Variants in ZDHHC11 observed in about 807,000 individuals in gnomAD.
ZDHHC11 encodes zDHHC palmitoyltransferase 11.
Under a neutral mutation model 51.3 loss-of-function variants are expected in ZDHHC11, and 44 were observed. The observed-to-expected ratio is 0.86, with a 90% confidence interval of 0.67 to 1.10. ZDHHC11 has a LOEUF of 1.10. Ranked by LOEUF, ZDHHC11 falls within the 50% of genes least tolerant of loss-of-function variation. ZDHHC11 has a pLI of 0.00. For synonymous variants in ZDHHC11, 163 were observed against 222.0 expected (o/e 0.73, Z 2.36); for missense variants, 400 against 537.7 (o/e 0.74, Z 2.53).
intron 11 of ZDHHC11, among the ~76,000 whole-genome samples, chr5:807,052 CA>C (rs1249698286): frequency 6.6e-6 from 1 of 150,772 alleles, no homozygotes; most frequent in Non-Finnish European, 1.5e-5. Flanking sequence ...AGCTGGGTAG[CA>C]AAAAACTGGA....
chr5:799,228 T>C (rs2150273357), intron 12 of ZDHHC11, among the ~76,000 whole-genome samples: 1 of 151,450 alleles, frequency 6.6e-6, no homozygotes, highest in East Asian at 1.9e-4. Context: ...CCATGAGACC[T>C]TGTTGTCGAA....
chr5:847,298 A>C (rs1425120680), intron 3 of ZDHHC11, among the ~76,000 whole-genome samples: 6 of 151,734 alleles, frequency 4.0e-5, no homozygotes, highest in African/African-American at 1.5e-4. Flanking sequence ...GACTTACTCT[A>C]TGCGGATGAG....
At chr5:849,217 G>T (rs529056900) in intron 1 of ZDHHC11, among the ~76,000 whole-genome samples, 2 of 152,080 alleles carry the variant, frequency 1.3e-5, no homozygotes, top group Non-Finnish European at 1.5e-5. Flanking sequence ...GGCTGCCCCC[G>T]TGCCCCTTTT....
rs1442327920 is a variant in ZDHHC11, at chr5:823,154, G to A, written c.1024-1259C>T. On this transcript the variant is annotated intron_variant, in intron 8 of 12. Transcript: ENST00000283441. ...GCTTAAAGTCAAATGTATCCGTTTT[G>A]TGAAATAGTGTTTTTGGTATCTATC... Among the ~76,000 whole-genome samples, 2 of 151,260 alleles carry A rather than the reference G, an allele frequency of 1.3e-5. 1 individual carries two copies. The highest frequency in any genetic ancestry group is 3.0e-5 in the Non-Finnish European group (2 of 67,698).
In ZDHHC11 at chr5:814,805, G is replaced by A; in HGVS notation, c.1147-10C>T. The A allele has an allele frequency of 6.5e-7, 1 of 1,539,834 alleles. No homozygotes were observed. Among genetic ancestry groups the A allele is most frequent in the Non-Finnish European group, 8.7e-7 (1 of 1,144,130 alleles). ...GGGCATCATCTGCTTCCTGTGGGGG[G>A]AAGGGATGCAAAATTCATAGGATGA... On this transcript the variant is annotated splice_polypyrimidine_tract_variant and intron_variant, in intron 10 of 12. Coordinates refer to ENST00000283441, the MANE Select transcript of ZDHHC11 (RefSeq NM_024786.3).
rs1190871003 is a variant in ZDHHC11 at position 814,619 on chromosome 5, A to C, written c.1181+142T>G. 9 of 944,560 alleles carry C rather than the reference A, an allele frequency of 9.5e-6. No homozygotes were observed. The African/African-American group carries it at 1.3e-4, about 14-fold the overall frequency. The allele number at this position is 944,560 out of a possible 1,614,324, so 58.5% of individuals were successfully genotyped here. A position where few individuals can be genotyped will look rare whatever the true frequency, so the allele number is the denominator to read the frequency against. ...CAATAAGCCACATGAATGGCTATAA[A>C]TGTTCAGAGAAACATTTCTACTTTC... On this transcript the variant is annotated intron_variant, in intron 11 of 12. Coordinates refer to ENST00000283441, the MANE Select transcript of ZDHHC11 (RefSeq NM_024786.3).
chr5:841,960 C>T, intron 4 of ZDHHC11: 1 of 989,648 alleles, frequency 1.0e-6, no homozygotes, highest in Non-Finnish European at 1.2e-6. Flanking sequence ...AGGACCGCAG[C>T]TCCATGTGCC....
At chr5:853,281 G>C (rs1747577223), upstream of ZDHHC11, among the ~76,000 whole-genome samples, 1 of 148,468 alleles carries the variant, frequency 6.7e-6, no homozygotes, top group African/African-American at 2.5e-5. Flanking sequence ...ACAGAGGACA[G>C]TGAGCAGCAG....
chr5:803,648 A>C (rs1337606520), intron 11 of ZDHHC11, among the ~76,000 whole-genome samples: 18 of 151,086 alleles, frequency 1.2e-4, no homozygotes, highest in African/African-American at 3.9e-4. Context: ...ACTTGGCATA[A>C]ACTATGTCTG....
In ZDHHC11 at chr5:821,807, T is replaced by C. The variant is rs1191541046; in HGVS notation, c.1058+54A>G. ...CCTAAGTAATTCGAGATGAGACGAG[T>C]GTATAACTATGTTACTAATAGATAA... is the stretch of plus-strand genomic sequence containing the variant. On this transcript the variant is annotated intron_variant, in intron 9 of 12. Coordinates refer to ENST00000283441, the MANE Select transcript of ZDHHC11 (RefSeq NM_024786.3). 30 of 1,484,610 alleles carry C rather than the reference T, an allele frequency of 2.0e-5. 1 individual carries two copies. The highest frequency in any genetic ancestry group is 2.6e-5 in the Non-Finnish European group (28 of 1,073,974). The allele number at this position is 1,484,610 out of a possible 1,614,324, so 92.0% of individuals were successfully genotyped here.
At chr5:857,003 C>T (rs903960057) in intron 1 of ZDHHC11, among the ~76,000 whole-genome samples, 1 of 151,388 alleles carries the variant, frequency 6.6e-6, no homozygotes, top group Admixed American at 6.6e-5. Context: ...CACCACATAC[C>T]GCACACATAC....
chr5:819,599 T>G lies in ZDHHC11; in HGVS notation c.1072A>C (p.Asn358His). Residue 358 changes from asparagine to histidine, a missense_variant, in exon 10 of 13, where the codon AAC becomes CAC. Physicochemically the swap from Asn to His is moderately conservative, Grantham distance 68. Coordinates refer to ENST00000283441, the MANE Select transcript of ZDHHC11 (RefSeq NM_024786.3). ...AGGCGCCTGCAAATCAGCCGGGAGT[T>G]CCTGGCCTTGGCTCTGGTGGGGCAA... ...CPSALGAKARNSRLICRRLCQ... is the reference protein window; with the variant it reads ...CPSALGAKARHSRLICRRLCQ... 6.2e-7 allele frequency: 1 copy of G among 1,609,470 alleles called. No homozygotes were observed. The highest frequency in any genetic ancestry group is 8.5e-7 in the Non-Finnish European group (1 of 1,176,442).
chr5:836,173 C>T (rs2150374995), intron 6 of ZDHHC11, among the ~76,000 whole-genome samples: 1 of 150,392 alleles, frequency 6.6e-6, no homozygotes, highest in East Asian at 1.9e-4. Context: ...GTCAGGTACA[C>T]AGGGTGCTTT....
chr5:798,790 A>ATTT (rs142996818), intron 12 of ZDHHC11, among the ~76,000 whole-genome samples: 4,120 of 146,336 alleles, frequency 0.028, 8 homozygotes, highest in African/African-American at 0.089. Flanking sequence ...AGTGGTGAAT[A>ATTT]TTTTTTTTTT....
intron 1 of ZDHHC11, among the ~76,000 whole-genome samples, chr5:857,996 C>A (rs2150527171): frequency 6.8e-6 from 1 of 146,092 alleles, no homozygotes; most frequent in African/African-American, 2.6e-5. Flanking sequence ...ACACCGTGGT[C>A]CCCCGGGTCT....
At chr5:849,877 A>T (rs903035266) in intron 1 of ZDHHC11, 11 of 158,786 alleles carry the variant, frequency 6.9e-5, no homozygotes, top group African/African-American at 2.2e-4. Context: ...CCCTCCAGTC[A>T]CCCTGCCTGG....
intron 11 of ZDHHC11, among the ~76,000 whole-genome samples, 199 bp from the exon 12 acceptor site, chr5:801,363 T>C (rs1342227216): frequency 2.0e-5 from 3 of 151,806 alleles, no homozygotes; most frequent in Non-Finnish European, 2.9e-5. Flanking sequence ...TGAAAGAATG[T>C]TGCTTTTTTC....
intron 8 of ZDHHC11, 137 bp from the exon 9 acceptor site, chr5:822,032 T>C: frequency 1.4e-6 from 1 of 722,058 alleles, no homozygotes; most frequent in Non-Finnish European, 2.3e-6. Flanking sequence ...GATCATGGAA[T>C]AGGATCTCAG....
chr5:841,221 C>T lies in ZDHHC11; in HGVS notation c.629-571G>A, dbSNP rs149743521. On this transcript the variant is annotated intron_variant, in intron 4 of 12. Coordinates refer to ENST00000283441, the MANE Select transcript of ZDHHC11 (RefSeq NM_024786.3). ...CTTCCTAAGTGCTGGGGTCACAGTG[C>T]CTGCCGGCTCTGCCGGGCCCCAGCA... The T allele has an allele frequency of 5.3e-3, 5,474 of 1,037,226 alleles. 55 individuals carry two copies. The African/African-American group carries it at 0.081, about 15-fold the overall frequency. The allele number at this position is 1,037,226 out of a possible 1,614,324, so 64.3% of individuals were successfully genotyped here.
Sources: allele counts gnomAD v4.1 joint callset (sites outside exome capture counted in the v4.1 genomes callset), GRCh38; gene constraint gnomAD v4.1.1; transcripts MANE v1.5; gene names NCBI Gene and HGNC (gene_info 2026-07-23, HGNC 2026-07-21).